Variants in ABCB7 observed in about 807,000 individuals in gnomAD.
The protein encoded by ABCB7 is iron-sulfur clusters transporter ABCB7, mitochondrial.
ABCB7 carries 7 observed loss-of-function variants against 54.4 expected under a neutral mutation model. The ratio of observed to expected loss-of-function variants is 0.13; its 90% CI spans 0.07 to 0.24. ABCB7 has a LOEUF of 0.24. ABCB7 is among the 10% of genes least tolerant of loss of function. ABCB7 has a pLI of 1.00. For synonymous variants in ABCB7, 218 were observed against 207.1 expected (o/e 1.05, Z -0.45); for missense variants, 356 against 570.4 (o/e 0.62, Z 3.83).
intron 14 of ABCB7, among the ~76,000 whole-genome samples, chrX:75,060,997 T>C (rs1455662511): frequency 9.0e-6 from 1 of 111,674 alleles, no homozygotes; most frequent in Non-Finnish European, 1.9e-5. Context: ...AATAGCAGTG[T>C]GGGGGATGGG....
At chrX:75,055,084 A>G (rs1005926216) in intron 15 of ABCB7, among the ~76,000 whole-genome samples, 1 of 111,417 alleles carries the variant, frequency 9.0e-6, no homozygotes, top group Non-Finnish European at 1.9e-5. Flanking sequence ...TTATTTCAGC[A>G]AAGACATTTC....
At chrX:75,138,788 T>A (rs2082033661) in intron 1 of ABCB7, among the ~76,000 whole-genome samples, 1 of 110,592 alleles carries the variant, frequency 9.0e-6, no homozygotes, top group Non-Finnish European at 1.9e-5. Flanking sequence ...GGTGGGTGGA[T>A]CATGAGGTCA....
At chrX:75,091,949 C>T (rs922653882) in intron 4 of ABCB7, among the ~76,000 whole-genome samples, 3 of 111,379 alleles carry the variant, frequency 2.7e-5, no homozygotes, top group Admixed American at 1.9e-4. Context: ...GAGAGATACT[C>T]CATGTTCATG....
intron 1 of ABCB7, among the ~76,000 whole-genome samples, chrX:75,127,958 C>A (rs1202710320): frequency 8.9e-6 from 1 of 111,758 alleles, no homozygotes; most frequent in African/African-American, 3.3e-5. Flanking sequence ...AGGACACAAA[C>A]AAATGGAGAA....
rs1389845707 is a variant in ABCB7, at chrX:75,156,157, G to A, written c.116C>T (p.Pro39Leu). 1 of 1,206,743 alleles carries A rather than the reference G, an allele frequency of 8.3e-7. No homozygotes were observed. Among genetic ancestry groups the A allele is most frequent in the African/African-American group, 1.8e-5 (1 of 57,082 alleles). ...GCCGAGTTGATGTGGCCTCCACTGC[G>A]GACCTGAGCCGCTAACAGAGACTAA... ...RPLVSVSGSG[P>L]QWRPHQLGAL... The change falls in exon 1 of 16, where the codon CCG (proline) becomes CTG (leucine). Residue 39 changes from proline to leucine, a missense_variant. Pro to Leu is a moderately conservative substitution (Grantham distance 98). Coordinates refer to ENST00000373394, the MANE Select transcript of ABCB7 (RefSeq NM_001271696.3).
At chrX:75,137,069 A>G (rs1002529426) in intron 1 of ABCB7, among the ~76,000 whole-genome samples, 3 of 112,267 alleles carry the variant, frequency 2.7e-5, no homozygotes, top group African/African-American at 9.7e-5. Flanking sequence ...TGTACAGCAA[A>G]AGAAACAACC....
intron 15 of ABCB7, among the ~76,000 whole-genome samples, chrX:75,057,037 C>T (rs2081246064): frequency 8.9e-6 from 1 of 112,016 alleles, no homozygotes; most frequent in Admixed American, 9.5e-5. Context: ...CGTTTTACTT[C>T]TTTCTGTTTG....
intron 1 of ABCB7, among the ~76,000 whole-genome samples, chrX:75,155,389 T>G (rs992184682): frequency 3.5e-5 from 4 of 112,735 alleles, no homozygotes; most frequent in Non-Finnish European, 7.5e-5. Flanking sequence ...GTACAAATAA[T>G]TTTTTAAAAA....
At chrX:75,074,827 G>T (rs1024129694) in intron 6 of ABCB7, among the ~76,000 whole-genome samples, 1 of 110,804 alleles carries the variant, frequency 9.0e-6, no homozygotes, top group Non-Finnish European at 1.9e-5. Flanking sequence ...ATGGACACTG[G>T]GGCCTATTGA....
chrX:75,119,950 G>A (rs1569239671), intron 1 of ABCB7, among the ~76,000 whole-genome samples: 1 of 111,562 alleles, frequency 9.0e-6, no homozygotes, highest in Admixed American at 9.5e-5. Context: ...CTTAAATGCA[G>A]GTGTCTGATA....
chrX:75,055,611 G>A (rs1389302917), intron 15 of ABCB7, among the ~76,000 whole-genome samples: 1 of 97,909 alleles, frequency 1.0e-5, no homozygotes, highest in Admixed American at 1.2e-4. Flanking sequence ...AAACTGAACA[G>A]TGATACGATA....
At chrX:75,115,033 G>A (rs1410611178) in intron 1 of ABCB7, among the ~76,000 whole-genome samples, 3 of 110,542 alleles carry the variant, frequency 2.7e-5, no homozygotes, top group African/African-American at 9.9e-5. Flanking sequence ...ACTTTGGGAG[G>A]CTAAGGCGGG....
chrX:75,104,047 G>GTTTTTTTGTTTT (rs2081663659), intron 3 of ABCB7, among the ~76,000 whole-genome samples: 3 of 13,446 alleles, frequency 2.2e-4, no homozygotes, highest in African/African-American at 3.2e-4. Context: ...TCTTGTTACA[G>GTTTTTTTGTTTT]TTTTTTTTTT....
intron 1 of ABCB7, among the ~76,000 whole-genome samples, chrX:75,131,368 T>A (rs968773719): frequency 5.4e-5 from 6 of 110,825 alleles, no homozygotes; most frequent in African/African-American, 2.0e-4. Flanking sequence ...TGTAAAAAAA[T>A]CATCAAGCTG....
chrX:75,133,181 G>A (rs1214571870), intron 1 of ABCB7, among the ~76,000 whole-genome samples: 2 of 112,013 alleles, frequency 1.8e-5, no homozygotes, highest in African/African-American at 6.5e-5. Context: ...ACAAGATTTC[G>A]AAACACAAGG....
At chrX:75,073,665 G>A in intron 8 of ABCB7, 24 bp downstream of exon 8, 1 of 1,117,152 alleles carries the variant, frequency 9.0e-7, no homozygotes, top group Non-Finnish European at 1.2e-6. Flanking sequence ...GAAAGGCAGA[G>A]GAAAGTATAA....
chrX:75,124,310 G>A (rs945379004), intron 1 of ABCB7, among the ~76,000 whole-genome samples: 6 of 112,064 alleles, frequency 5.4e-5, no homozygotes, highest in African/African-American at 1.9e-4. Flanking sequence ...CTCTGGGTAC[G>A]TAACACCAAC....
chrX:75,105,984 T>C (rs2081697142), intron 3 of ABCB7, among the ~76,000 whole-genome samples: 1 of 110,974 alleles, frequency 9.0e-6, no homozygotes, highest in African/African-American at 3.3e-5. Flanking sequence ...AAACAAAAAT[T>C]AACTAAGATC....
intron 15 of ABCB7, among the ~76,000 whole-genome samples, chrX:75,058,543 G>T (rs759405363): frequency 6.3e-5 from 7 of 111,403 alleles, no homozygotes; most frequent in Non-Finnish European, 9.4e-5. Context: ...TCAAAGCTAA[G>T]GTCATATTAG....
Sources: allele counts gnomAD v4.1 joint callset (sites outside exome capture counted in the v4.1 genomes callset), GRCh38; gene constraint gnomAD v4.1.1; transcripts MANE v1.5; gene names NCBI Gene and HGNC (gene_info 2026-07-23, HGNC 2026-07-21).